The following SORBS2 variants were observed in gnomAD, a reference collection of about 807,000 sequenced individuals.
The protein encoded by SORBS2 is sorbin and SH3 domain-containing protein 2.
A neutral mutation model predicts 97.7 loss-of-function variants in SORBS2; 46 were observed. That is an observed-to-expected ratio of 0.47 (90% CI 0.37 to 0.60). The LOEUF is 0.60. SORBS2 is among the 20% of genes least tolerant of loss of function. SORBS2 has a pLI of 0.00. For missense variants in SORBS2, 1,316 were observed against 1,282.3 expected (o/e 1.03, Z -0.40); for synonymous variants, 476 against 473.4 (o/e 1.01, Z -0.07).
chr4:185,764,547 G>A (rs1440308001), intron 2 of SORBS2, among the ~76,000 whole-genome samples: 1 of 152,116 alleles, frequency 6.6e-6, no homozygotes, highest in Non-Finnish European at 1.5e-5. Context: ...CCAAAAATAT[G>A]GAAGTATAGG....
At chr4:185,893,677 G>T (rs1223481146) in intron 1 of SORBS2, among the ~76,000 whole-genome samples, 1 of 152,204 alleles carries the variant, frequency 6.6e-6, no homozygotes, top group African/African-American at 2.4e-5. Flanking sequence ...AGGGTCAGCT[G>T]ACTGAAGTTT....
At chr4:185,665,796 G>T (rs1257249450) in intron 4 of SORBS2, 19 of 1,107,118 alleles carry the variant, frequency 1.7e-5, no homozygotes, top group African/African-American at 1.1e-4. Flanking sequence ...GACCCCAGGT[G>T]GGGGAGGGTG....
At chr4:185,687,558 T>C (rs763334482) in intron 2 of SORBS2, among the ~76,000 whole-genome samples, 2 of 152,272 alleles carry the variant, frequency 1.3e-5, no homozygotes, top group Admixed American at 6.5e-5. Flanking sequence ...AGTTATTAAG[T>C]TGTTAGCACC....
intron 1 of SORBS2, among the ~76,000 whole-genome samples, chr4:185,868,584 C>T (rs1175169252): frequency 6.6e-6 from 1 of 151,986 alleles, no homozygotes; most frequent in Admixed American, 6.6e-5. Flanking sequence ...TAGTAAATTG[C>T]CTCACCACTA....
At chr4:185,868,116 A>G (rs2099228021) in intron 1 of SORBS2, among the ~76,000 whole-genome samples, 1 of 150,568 alleles carries the variant, frequency 6.6e-6, no homozygotes. Flanking sequence ...ATAGAAATTA[A>G]AAGCTTCTAC....
chr4:185,652,307 C>A (rs1446444507), intron 2 of SORBS2, among the ~76,000 whole-genome samples: 1 of 152,190 alleles, frequency 6.6e-6, no homozygotes, highest in East Asian at 1.9e-4. Context: ...TCAGGCAGAC[C>A]CGCGCAGGCT....
intron 2 of SORBS2, 76 bp downstream of exon 4, chr4:185,690,486 C>T: frequency 1.1e-6 from 1 of 885,136 alleles, no homozygotes. Context: ...CAGAAGAGTG[C>T]TAAACTAATG....
At chr4:185,713,517 A>G (rs1216598743) in intron 2 of SORBS2, among the ~76,000 whole-genome samples, 2 of 152,314 alleles carry the variant, frequency 1.3e-5, no homozygotes, top group East Asian at 3.9e-4. Flanking sequence ...TGGAACCTAT[A>G]AGGACGTTCA....
chr4:185,630,817 G>T (rs74809636), intron 4 of SORBS2, among the ~76,000 whole-genome samples: 2,724 of 152,238 alleles, frequency 0.018, 86 homozygotes, highest in African/African-American at 0.063. Context: ...ATGCATTGCA[G>T]TTCTCTGTGT....
At chr4:185,938,456 A>T (rs542442105) in intron 1 of SORBS2, among the ~76,000 whole-genome samples, 1 of 149,394 alleles carries the variant, frequency 6.7e-6, no homozygotes, top group Admixed American at 6.7e-5. Flanking sequence ...TCCATGCTCT[A>T]AAACTTGTCC....
intron 1 of SORBS2, among the ~76,000 whole-genome samples, chr4:185,856,102 A>G (rs968509898): frequency 1.3e-5 from 2 of 152,210 alleles, no homozygotes; most frequent in African/African-American, 4.8e-5. Context: ...AGTTCAAATC[A>G]GTGCATTTCT....
At chr4:185,835,414 T>C (rs760758411) in intron 1 of SORBS2, among the ~76,000 whole-genome samples, 4 of 152,224 alleles carry the variant, frequency 2.6e-5, no homozygotes, top group Non-Finnish European at 4.4e-5. Context: ...AATTTTATTG[T>C]CTTGTTTAGT....
intron 12 of SORBS2, among the ~76,000 whole-genome samples, chr4:185,603,071 C>T (rs551715542): frequency 3.6e-4 from 55 of 152,264 alleles, no homozygotes; most frequent in Non-Finnish European, 5.4e-4. Context: ...CTGCAAACAA[C>T]GGAAACTTAA....
intron 2 of SORBS2, among the ~76,000 whole-genome samples, chr4:185,650,565 C>A (rs1020770911): frequency 2.6e-5 from 4 of 152,124 alleles, no homozygotes; most frequent in African/African-American, 9.7e-5. Flanking sequence ...GTGACACAAA[C>A]CTCAATATTA....
At chr4:185,681,046 G>A (rs1293053798) in intron 2 of SORBS2, among the ~76,000 whole-genome samples, 7 of 152,136 alleles carry the variant, frequency 4.6e-5, no homozygotes, top group Non-Finnish European at 4.4e-5. Flanking sequence ...CAGTGGACAC[G>A]AGTGTGCAGA....
chr4:185,683,353 G>A lies in SORBS2; in HGVS notation c.-197-4531C>T, dbSNP rs148066283. 3.4e-3 allele frequency among the ~76,000 whole-genome samples: 512 copies of A among 152,290 alleles called. 1 individual carries two copies. Among genetic ancestry groups the A allele is most frequent in the Middle Eastern group, 0.01 (3 of 294 alleles). On this transcript the variant is annotated intron_variant, in intron 2 of 20. Coordinates refer to the SORBS2 transcript ENST00000284776. ...ATGGGCACTGTGGAAGCAGTGTGGC[G>A]TTCCCTGGTACGTGCGTCAAGGTTC...
intron 2 of SORBS2, among the ~76,000 whole-genome samples, chr4:185,736,561 G>A (rs758808162): frequency 6.6e-5 from 10 of 152,118 alleles, no homozygotes; most frequent in Non-Finnish European, 8.8e-5. Context: ...ATGGGGCTTC[G>A]GACACAATAC....
chr4:185,654,822 C>T (rs2097370413), intron 1 of SORBS2, among the ~76,000 whole-genome samples: 1 of 152,004 alleles, frequency 6.6e-6, no homozygotes, highest in South Asian at 2.1e-4. Context: ...TTTCTACAAC[C>T]TTGACTAAAT....
intron 4 of SORBS2, among the ~76,000 whole-genome samples, chr4:185,633,725 T>A (rs990068226): frequency 4.5e-4 from 68 of 151,672 alleles, no homozygotes; most frequent in African/African-American, 1.4e-3. Flanking sequence ...AGAGATATAT[T>A]TTTTTTTCTG....
Sources: allele counts gnomAD v4.1 joint callset (sites outside exome capture counted in the v4.1 genomes callset), GRCh38; gene constraint gnomAD v4.1.1; transcripts MANE v1.5; gene names NCBI Gene and HGNC (gene_info 2026-07-23, HGNC 2026-07-21).